The following IL1RAPL1 variants were observed in gnomAD, a reference collection of about 807,000 sequenced individuals.
IL1RAPL1 encodes the protein interleukin-1 receptor accessory protein-like 1.
A neutral mutation model predicts 48.4 loss-of-function variants in IL1RAPL1; 3 were observed. The observed-to-expected ratio is 0.06, with a 90% CI of 0.03 to 0.16. The LOEUF is 0.16. Among genes scored for constraint, IL1RAPL1 ranks in the 10% least tolerant of loss-of-function variants. The pLI, the probability that IL1RAPL1 is intolerant of heterozygous loss-of-function variation, is 1.00. For synonymous variants in IL1RAPL1, 185 were observed against 187.7 expected (o/e 0.99, Z 0.12); for missense variants, 349 against 530.6 (o/e 0.66, Z 3.36).
chrX:29,954,235 CAAAAAAAAAAAA>C (rs34345826), intron 9 of IL1RAPL1, among the ~76,000 whole-genome samples: 58 of 30,427 alleles, frequency 1.9e-3, no homozygotes, highest in East Asian at 3.2e-3. Context: ...GACTGTGTCC[CAAAAAAAAAAAA>C]AAAAAAAAAA....
chrX:28,677,962 TTCC>T (rs1935017532), intron 1 of IL1RAPL1, among the ~76,000 whole-genome samples: 1 of 111,296 alleles, frequency 9.0e-6, no homozygotes, highest in Non-Finnish European at 1.9e-5. Context: ...CCTCCTTCTT[TTCC>T]TCCTCCTTCC....
At chrX:29,625,565 A>G (rs1924594480) in intron 5 of IL1RAPL1, among the ~76,000 whole-genome samples, 1 of 111,933 alleles carries the variant, frequency 8.9e-6, no homozygotes, top group Non-Finnish European at 1.9e-5. Context: ...ACACAATTCT[A>G]TATTTCTGTG....
At chrX:29,320,186 G>T (rs776772567) in intron 3 of IL1RAPL1, among the ~76,000 whole-genome samples, 1 of 112,409 alleles carries the variant, frequency 8.9e-6, no homozygotes, top group East Asian at 2.8e-4. Context: ...CACTGGAAAT[G>T]TAGAGGTCAT....
chrX:29,359,815 G>T (rs1394584437), intron 3 of IL1RAPL1, among the ~76,000 whole-genome samples: 2 of 111,414 alleles, frequency 1.8e-5, no homozygotes, highest in African/African-American at 6.5e-5. Context: ...CCCCCCACAC[G>T]GATTCAGACT....
chrX:29,827,678 A>G (rs1021178968), intron 6 of IL1RAPL1, among the ~76,000 whole-genome samples: 1 of 112,499 alleles, frequency 8.9e-6, no homozygotes, highest in African/African-American at 3.2e-5. Context: ...GGCCAAGCTC[A>G]ATACTTAGGG....
At chrX:29,306,236 G>A (rs1325674044) in intron 3 of IL1RAPL1, among the ~76,000 whole-genome samples, 2 of 112,036 alleles carry the variant, frequency 1.8e-5, no homozygotes, top group Non-Finnish European at 3.8e-5. Flanking sequence ...CTTAGAAATT[G>A]ATATTTATGG....
intron 5 of IL1RAPL1, among the ~76,000 whole-genome samples, chrX:29,472,375 T>C (rs755343926): frequency 5.1e-4 from 57 of 111,645 alleles, no homozygotes; most frequent in Non-Finnish European, 8.3e-4. Context: ...GGGCACCTTT[T>C]CTTTTCACTC....
intron 2 of IL1RAPL1, among the ~76,000 whole-genome samples, chrX:29,147,731 C>A (rs2147496128): frequency 8.9e-6 from 1 of 112,011 alleles, no homozygotes; most frequent in African/African-American, 3.2e-5. Flanking sequence ...CTACCACATA[C>A]AAAGACTATT....
intron 2 of IL1RAPL1, among the ~76,000 whole-genome samples, chrX:29,081,012 C>T (rs1316966299): frequency 1.9e-3 from 127 of 67,792 alleles, no homozygotes; most frequent in East Asian, 7.0e-3. Flanking sequence ...CTCTCTCTCT[C>T]TCTCTCTCTT....
At chrX:29,052,844 G>A (rs1296239232) in intron 2 of IL1RAPL1, among the ~76,000 whole-genome samples, 1 of 110,730 alleles carries the variant, frequency 9.0e-6, no homozygotes, top group Non-Finnish European at 1.9e-5. Context: ...GCTAATTTTT[G>A]TATTTTTTAG....
chrX:29,150,846 C>T (rs754016652), intron 2 of IL1RAPL1, among the ~76,000 whole-genome samples: 87 of 102,688 alleles, frequency 8.5e-4, no homozygotes, highest in African/African-American at 2.9e-3. Flanking sequence ...CGCTTGAAAC[C>T]GGGAGGCGGA....
chrX:29,660,931 T>C (rs898079838), intron 5 of IL1RAPL1, among the ~76,000 whole-genome samples: 1 of 112,153 alleles, frequency 8.9e-6, no homozygotes, highest in African/African-American at 3.2e-5. Flanking sequence ...AGTATGGTCA[T>C]TTTAATGATA....
intron 2 of IL1RAPL1, among the ~76,000 whole-genome samples, chrX:29,032,153 G>A (rs1926633315): frequency 1.8e-5 from 2 of 111,758 alleles, no homozygotes; most frequent in Admixed American, 9.5e-5. Flanking sequence ...ATCTGTGCAG[G>A]TTGTCTACTG....
chrX:28,813,986 CCT>C (rs1936825214), intron 2 of IL1RAPL1, among the ~76,000 whole-genome samples: 1 of 110,562 alleles, frequency 9.0e-6, no homozygotes, highest in African/African-American at 3.3e-5. Context: ...CGTATTCTGT[CCT>C]ATGAAGGCTG....
chrX:28,743,635 A>G (rs757760568), intron 1 of IL1RAPL1, among the ~76,000 whole-genome samples: 1 of 111,265 alleles, frequency 9.0e-6, no homozygotes, highest in African/African-American at 3.3e-5. Context: ...CATCCATGGG[A>G]TAAGTATGAA....
chrX:29,672,698 A>G (rs1264208088), intron 6 of IL1RAPL1, among the ~76,000 whole-genome samples: 1 of 112,128 alleles, frequency 8.9e-6, no homozygotes, highest in East Asian at 2.8e-4. Flanking sequence ...TGGAATGTCA[A>G]TAAATACTAA....
intron 9 of IL1RAPL1, among the ~76,000 whole-genome samples, chrX:29,953,837 G>A (rs1271629196): frequency 9.1e-6 from 1 of 109,542 alleles, no homozygotes; most frequent in African/African-American, 3.3e-5. Flanking sequence ...TTTTCAACTG[G>A]GTAAAATGGC....
At chrX:29,106,226 G>A (rs1928443541) in intron 2 of IL1RAPL1, among the ~76,000 whole-genome samples, 4 of 111,401 alleles carry the variant, frequency 3.6e-5, no homozygotes, top group Admixed American at 2.9e-4. Flanking sequence ...ACAAGCTTTT[G>A]AGGAGGAATG....
chrX:29,711,069 TACACACACACACACACAC>T (rs745317897), intron 6 of IL1RAPL1, among the ~76,000 whole-genome samples: 3 of 86,449 alleles, frequency 3.5e-5, no homozygotes, highest in African/African-American at 1.3e-4. Context: ...TGTGTGTGTA[TACACACACACACACACAC>T]ACAGATATAT....
Sources: allele counts gnomAD v4.1 joint callset (sites outside exome capture counted in the v4.1 genomes callset), GRCh38; gene constraint gnomAD v4.1.1; transcripts MANE v1.5; gene names NCBI Gene and HGNC (gene_info 2026-07-23, HGNC 2026-07-21).